Variants in MED31 observed in about 807,000 individuals in gnomAD.
MED31 encodes mediator complex subunit 31, also known as mediator of RNA polymerase II transcription subunit 31.
In MED31, 11 loss-of-function variants were observed where a neutral mutation model predicts 22.0. The observed-to-expected ratio is 0.50, with a 90% CI of 0.31 to 0.83. MED31 has a LOEUF of 0.83. Among genes scored for constraint, MED31 ranks in the 40% least tolerant of loss-of-function variants. MED31 has a pLI of 0.04. For synonymous variants in MED31, 60 were observed against 55.1 expected (o/e 1.09, Z -0.40); for missense variants, 122 against 155.3 (o/e 0.79, Z 1.14).
At chr17:6,649,945 G>A (rs770180789) in intron 3 of MED31, 37 bp downstream of exon 3, 3 of 1,529,276 alleles carry the variant, frequency 2.0e-6, no homozygotes, top group Non-Finnish European at 2.6e-6. Flanking sequence ...ATATAATAAA[G>A]TATACACATG....
intron 3 of MED31, among the ~76,000 whole-genome samples, chr17:6,649,132 T>G (rs1056212569): frequency 6.6e-6 from 1 of 152,080 alleles, no homozygotes; most frequent in Admixed American, 6.5e-5. Flanking sequence ...TCAAACTTTT[T>G]TTTTTTTTTA....
intron 3 of MED31, among the ~76,000 whole-genome samples, chr17:6,646,603 A>T (rs1439067922): frequency 3.9e-5 from 6 of 152,252 alleles, no homozygotes; most frequent in African/African-American, 1.2e-4. Flanking sequence ...ATATGTTTGC[A>T]GGCAGTATGC....
chr17:6,650,003 G>C lies in MED31; in HGVS notation c.182C>G (p.Pro61Arg). 6.2e-7 allele frequency: 1 copy of C among 1,602,672 alleles called. No individual in the cohort carries two copies. The highest frequency in any genetic ancestry group is 8.5e-7 in the Non-Finnish European group (1 of 1,177,224). ...YLKYLLYWKDPEYAKYLKYPQ... is the reference protein window; with the variant it reads ...YLKYLLYWKDREYAKYLKYPQ... Reference sequence around the variant, plus strand: ...TTACTTTAGATACTTGGCATATTCTGGGTCTTTCCAGTAAAGCAAGTATTT... The same window carrying C: ...TTACTTTAGATACTTGGCATATTCTCGGTCTTTCCAGTAAAGCAAGTATTT... The change falls in exon 3 of 4, where the codon CCA becomes CGA. Residue 61 changes from proline (P) to arginine (R), a missense_variant. Physicochemically the swap from Pro to Arg is moderately radical, Grantham distance 103 (BLOSUM62 -2). Coordinates refer to ENST00000225728, the MANE Select transcript of MED31 (RefSeq NM_016060.3).
chr17:6,650,105 G>T, intron 2 of MED31, 27 bp from the exon 3 acceptor site: 1 of 1,551,390 alleles, frequency 6.4e-7, no homozygotes, highest in Non-Finnish European at 8.7e-7. Flanking sequence ...AAAAAAATCT[G>T]TAGGTCAAAC....
At position 6,644,533 on chromosome 17, in the gene MED31, C is replaced by T. The variant is rs1305873344; in HGVS notation, c.330G>A (p.Arg110=). The change falls in exon 4 of 4, where the codon CGG becomes CGA. Residue 110 remains arginine, a synonymous_variant. Coordinates refer to ENST00000225728, the MANE Select transcript of MED31 (RefSeq NM_016060.3). ...AGGCTTGCTGAAGGCGCATCCGCTT[C>T]CGGGAATAGTGCTGCCAATGTAGAA... The part of the protein sequence containing the change: ...QQILHWQHYS[R]KRMRLQQALA... 6.2e-7 allele frequency: 1 copy of T among 1,613,244 alleles called. No individual in the cohort carries two copies. Among genetic ancestry groups the T allele is most frequent in the East Asian group, 2.2e-5 (1 of 44,876 alleles).
chr17:6,644,487 T>C lies in MED31; in HGVS notation c.376A>G (p.Asn126Asp). ...GTTTTTCATTTTCCCGATGTGTTAT[T>C]TTGCTGTTGCTGCTCTGCCAAGGCT... ...QQALAEQQQQ[N>D]NTSGK Residue 126 changes from asparagine to aspartate, a missense_variant, in exon 4 of 4, where the codon AAT becomes GAT. Transcript: ENST00000225728. 1 of 1,604,230 alleles carries C rather than the reference T, an allele frequency of 6.2e-7. No individual in the cohort carries two copies. Among genetic ancestry groups the C allele is most frequent in the Non-Finnish European group, 8.5e-7 (1 of 1,176,344 alleles).
Position 6,650,162 on chromosome 17 carries a change from T to C in MED31, c.107-84A>G, listed in dbSNP as rs1020033343. ...TTACCCCTAATATAAAGGATCTATT[T>C]ACATAACACCCCCACCACCAACACA... On this transcript the variant is annotated intron_variant, in intron 2 of 3. Transcript: ENST00000225728. 8 of 1,359,090 alleles carry C rather than the reference T, an allele frequency of 5.9e-6. No individual in the cohort carries two copies. In the African/African-American group the frequency reaches 1.0e-4, roughly 17 times the overall value. The allele number at this position is 1,359,090 out of a possible 1,614,324, so 84.2% of individuals were successfully genotyped here.
chr17:6,644,849 G>A (rs1190404549), intron 3 of MED31, among the ~76,000 whole-genome samples, 190 bp from the exon 4 acceptor site: 3 of 152,180 alleles, frequency 2.0e-5, no homozygotes, highest in Non-Finnish European at 2.9e-5. Context: ...TTTCGAAAAT[G>A]AGAAGGTTTA....
rs375790198 is a variant in MED31 at position 6,651,567 on chromosome 17, G to A, written c.-39C>T. On this transcript the variant is annotated 5_prime_UTR_variant, in exon 1 of 4. Transcript: ENST00000225728. ...ACCAAAACGCCACCAGCCTGACAGA[G>A]CAAAAGCCCAGAGACGCGGGCGAAG... 6.8e-6 allele frequency: 11 copies of A among 1,613,510 alleles called. No individual in the cohort carries two copies. Among genetic ancestry groups the A allele is most frequent in the South Asian group, 2.2e-5 (2 of 91,028 alleles).
At chr17:6,649,887 G>A (rs1329303254) in intron 3 of MED31, 95 bp downstream of exon 3, 3 of 1,221,782 alleles carry the variant, frequency 2.5e-6, no homozygotes, top group African/African-American at 1.6e-5. Context: ...AAAAGAAGTG[G>A]AGAGATTCCA....
At position 6,644,373 on chromosome 17, in the gene MED31, G is replaced by T; in HGVS notation, c.*94C>A. On this transcript the variant is annotated 3_prime_UTR_variant, in exon 4 of 4. Transcript: ENST00000225728. ...AGGTTCTAGGGGCTACCATAATAAA[G>T]GTAGATAGGAAGAGTTTTCATTTTT... The T allele has an allele frequency of 1.4e-6, 2 of 1,408,512 alleles. No individual in the cohort carries two copies. Among genetic ancestry groups the T allele is most frequent in the Admixed American group, 2.7e-5 (1 of 37,104 alleles). The allele number at this position is 1,408,512 out of a possible 1,614,324, so 87.3% of individuals were successfully genotyped here.
At chr17:6,644,863 T>G (rs1428566888) in intron 3 of MED31, among the ~76,000 whole-genome samples, 2 of 152,182 alleles carry the variant, frequency 1.3e-5, no homozygotes, top group Non-Finnish European at 2.9e-5. Context: ...AGGTTTAAGT[T>G]CAGAAAGATT....
intron 3 of MED31, among the ~76,000 whole-genome samples, chr17:6,649,527 G>A (rs534769590): frequency 1.3e-5 from 2 of 152,252 alleles, no homozygotes; most frequent in South Asian, 4.1e-4. Flanking sequence ...TTTACAGATT[G>A]TGAGTTCTTA....
chr17:6,647,231 G>A (rs180684593), intron 3 of MED31, among the ~76,000 whole-genome samples: 2 of 152,150 alleles, frequency 1.3e-5, no homozygotes, highest in East Asian at 1.9e-4. Context: ...GCGGGTCCTC[G>A]CATGCTGAGT....
Position 6,644,596 on chromosome 17 carries a change from C to T in MED31, c.267G>A (p.Val89=), listed in dbSNP as rs1272519610. 1 of 1,613,218 alleles carries T rather than the reference C, an allele frequency of 6.2e-7. No homozygotes were observed. The highest frequency in any genetic ancestry group is 8.5e-7 in the Non-Finnish European group (1 of 1,179,948). Residue 89 remains valine, a synonymous_variant, in exon 4 of 4, where the codon GTG becomes GTA. Coordinates refer to ENST00000225728, the MANE Select transcript of MED31 (RefSeq NM_016060.3). The stretch of plus-strand genomic sequence containing the variant: ...CAATAAATTTCGCACACTGAGCATT[C>T]ACCAGCTCCTTTCGGAAGTGTTCAT... The part of the protein sequence containing the change: ...LQYEHFRKEL[V]NAQCAKFIDE...
chr17:6,647,087 T>G (rs190194572), intron 3 of MED31, among the ~76,000 whole-genome samples: 5 of 152,306 alleles, frequency 3.3e-5, no homozygotes, highest in Admixed American at 2.0e-4. Flanking sequence ...TTGAACTTAT[T>G]CATGATACAG....
At chr17:6,647,299 TCA>T (rs1346968861) in intron 3 of MED31, among the ~76,000 whole-genome samples, 1 of 152,246 alleles carries the variant, frequency 6.6e-6, no homozygotes, top group Non-Finnish European at 1.5e-5. Context: ...ATTTCTTTTC[TCA>T]TTCTTTCATC....
At position 6,650,004 on chromosome 17, in the gene MED31, G is replaced by A. The variant is rs760728405; in HGVS notation, c.181C>T (p.Pro61Ser). 1.2e-6 allele frequency: 2 copies of A among 1,602,740 alleles called. No homozygotes were observed. Among genetic ancestry groups the A allele is most frequent in the Non-Finnish European group, 1.7e-6 (2 of 1,177,172 alleles). ...YLKYLLYWKDPEYAKYLKYPQ... is the reference protein window; with the variant it reads ...YLKYLLYWKDSEYAKYLKYPQ... ...TACTTTAGATACTTGGCATATTCTGGGTCTTTCCAGTAAAGCAAGTATTTA... is the reference window on the plus strand; with the variant it reads ...TACTTTAGATACTTGGCATATTCTGAGTCTTTCCAGTAAAGCAAGTATTTA... Residue 61 changes from proline to serine, a missense_variant, in exon 3 of 4, where the codon CCA becomes TCA. Transcript: ENST00000225728.
intron 3 of MED31, among the ~76,000 whole-genome samples, chr17:6,645,247 C>G (rs1303912157): frequency 1.3e-5 from 2 of 152,168 alleles, no homozygotes; most frequent in African/African-American, 4.8e-5. Flanking sequence ...AGAATGAACC[C>G]TGTGTTACTG....
Sources: gnomAD v4.1 joint callset for allele counts (sites outside exome capture counted in the v4.1 genomes callset) on GRCh38, gnomAD v4.1.1 for gene constraint, MANE v1.5 for transcripts, NCBI Gene and HGNC (gene_info 2026-07-23, HGNC 2026-07-21) for gene names.